Variants in GPC5 observed in about 807,000 individuals in gnomAD.
The protein encoded by GPC5 is glypican 5.
A neutral mutation model predicts 53.9 loss-of-function variants in GPC5; 47 were observed. That is an observed-to-expected ratio of 0.87 (90% CI 0.69 to 1.11). The LOEUF (loss-of-function observed/expected upper bound fraction) is 1.11, where lower values mean the gene tolerates loss of function less well. GPC5 is among the 50% of genes most tolerant of loss of function. The pLI is 0.00. For missense variants in GPC5, 748 were observed against 713.1 expected, an observed-to-expected ratio of 1.05 and a Z score of -0.56; for synonymous variants, 286 against 263.3, an observed-to-expected ratio of 1.09 and a Z score of -0.84.
At chr13:92,002,244 G>T (rs1352710773) in intron 6 of GPC5, among the ~76,000 whole-genome samples, 1 of 151,946 alleles carries the variant, frequency 6.6e-6, no homozygotes, top group Admixed American at 6.6e-5. Context: ...TATACAGGGA[G>T]AACAAAGAGG....
chr13:91,649,768 C>G (rs977591531), intron 2 of GPC5, among the ~76,000 whole-genome samples: 1 of 152,104 alleles, frequency 6.6e-6, no homozygotes, highest in Non-Finnish European at 1.5e-5. Context: ...CCCCAGTGCC[C>G]TTCTCAAATG....
chr13:91,946,804 T>A (rs530282940), intron 6 of GPC5, among the ~76,000 whole-genome samples: 8 of 152,286 alleles, frequency 5.3e-5, no homozygotes, highest in African/African-American at 1.4e-4. Flanking sequence ...ATACCTTGAG[T>A]CTGTTTCATA....
chr13:92,712,301 G>A (rs1566378368), intron 7 of GPC5, among the ~76,000 whole-genome samples: 1 of 151,744 alleles, frequency 6.6e-6, no homozygotes. Context: ...GATGAAACAG[G>A]CCTATTTCTC....
At chr13:91,688,620 G>T (rs1566610572) in intron 2 of GPC5, among the ~76,000 whole-genome samples, 2 of 152,102 alleles carry the variant, frequency 1.3e-5, no homozygotes, top group African/African-American at 2.4e-5. Context: ...TGACACGGTT[G>T]TGTGCCACTG....
At chr13:91,613,618 T>C (rs1410219712) in intron 2 of GPC5, among the ~76,000 whole-genome samples, 7 of 152,178 alleles carry the variant, frequency 4.6e-5, no homozygotes, top group African/African-American at 1.7e-4. Context: ...TTTGGAAATA[T>C]TTTATTACAA....
At chr13:92,216,165 T>G (rs1358162670) in intron 7 of GPC5, among the ~76,000 whole-genome samples, 1 of 152,188 alleles carries the variant, frequency 6.6e-6, no homozygotes, top group Non-Finnish European at 1.5e-5. Flanking sequence ...TATCCTCCAC[T>G]GTCACTGGTG....
At chr13:91,947,299 A>G (rs1167005590) in intron 6 of GPC5, among the ~76,000 whole-genome samples, 20 of 152,172 alleles carry the variant, frequency 1.3e-4, no homozygotes, top group Non-Finnish European at 7.4e-5. Context: ...TATAAAGAAA[A>G]TGACAGCATT....
At chr13:92,782,798 C>T (rs1011054184) in intron 7 of GPC5, among the ~76,000 whole-genome samples, 6 of 152,170 alleles carry the variant, frequency 3.9e-5, no homozygotes, top group African/African-American at 1.2e-4. Flanking sequence ...GCATATTAAA[C>T]GTGCCTGGGA....
intron 7 of GPC5, among the ~76,000 whole-genome samples, chr13:92,375,867 C>A (rs1031682208): frequency 6.6e-6 from 1 of 152,096 alleles, no homozygotes; most frequent in East Asian, 1.9e-4. Context: ...GCAGAAATAC[C>A]TAGGTTAGAA....
At chr13:92,655,212 A>C (rs1224897496) in intron 7 of GPC5, among the ~76,000 whole-genome samples, 1 of 152,242 alleles carries the variant, frequency 6.6e-6, no homozygotes, top group Non-Finnish European at 1.5e-5. Context: ...AAGGAAATAT[A>C]TACAGAATAA....
chr13:92,148,652 C>A (rs936970140), intron 7 of GPC5, among the ~76,000 whole-genome samples: 1 of 151,936 alleles, frequency 6.6e-6, no homozygotes, highest in African/African-American at 2.4e-5. Flanking sequence ...TCACTAGTAA[C>A]CTGGGGTTGC....
At chr13:92,309,202 C>T (rs939054389) in intron 7 of GPC5, among the ~76,000 whole-genome samples, 1 of 151,998 alleles carries the variant, frequency 6.6e-6, no homozygotes, top group Non-Finnish European at 1.5e-5. Context: ...TGTGCAATTT[C>T]TGATTGTAAG....
At chr13:92,036,875 C>T (rs1478611025) in intron 6 of GPC5, among the ~76,000 whole-genome samples, 1 of 152,144 alleles carries the variant, frequency 6.6e-6, no homozygotes, top group Non-Finnish European at 1.5e-5. Flanking sequence ...CAGTATTTCT[C>T]TCTAACTCTT....
chr13:92,171,379 A>C (rs1340259616), intron 7 of GPC5, among the ~76,000 whole-genome samples: 1 of 151,658 alleles, frequency 6.6e-6, no homozygotes, highest in Non-Finnish European at 1.5e-5. Flanking sequence ...TACTACACAC[A>C]CACACCCCTA....
chr13:92,208,010 C>T (rs1467332196), intron 7 of GPC5, among the ~76,000 whole-genome samples: 1 of 152,182 alleles, frequency 6.6e-6, no homozygotes. Context: ...TAGCCTCTGT[C>T]GTTCTTGTTA....
At chr13:91,926,976 T>C (rs894009888) in intron 6 of GPC5, among the ~76,000 whole-genome samples, 4 of 152,226 alleles carry the variant, frequency 2.6e-5, no homozygotes, top group African/African-American at 9.6e-5. Context: ...TAGAATTTAT[T>C]AGATGAGGAA....
chr13:92,697,214 A>AT (rs1282289057), intron 7 of GPC5, among the ~76,000 whole-genome samples: 1 of 151,640 alleles, frequency 6.6e-6, no homozygotes, highest in Admixed American at 6.6e-5. Context: ...ATTTAAAGTA[A>AT]TTTTTTCCAA....
At chr13:92,130,386 T>C (rs1432633744) in intron 6 of GPC5, among the ~76,000 whole-genome samples, 1 of 149,368 alleles carries the variant, frequency 6.7e-6, no homozygotes, top group Non-Finnish European at 1.5e-5. Flanking sequence ...GTTCTAAAAA[T>C]CTGAGTAAGT....
At chr13:92,548,194 C>A (rs1304576218) in intron 7 of GPC5, among the ~76,000 whole-genome samples, 1 of 151,738 alleles carries the variant, frequency 6.6e-6, no homozygotes, top group Non-Finnish European at 1.5e-5. Context: ...CTGTAAACTT[C>A]TATGTTCAGG....
Sources: gnomAD v4.1 joint callset for allele counts (sites outside exome capture counted in the v4.1 genomes callset) on GRCh38, gnomAD v4.1.1 for gene constraint, MANE v1.5 for transcripts, NCBI Gene and HGNC (gene_info 2026-07-23, HGNC 2026-07-21) for gene names.